Variants in SBF2 observed in about 807,000 individuals in gnomAD.
The protein encoded by SBF2 is myotubularin-related protein 13.
SBF2 carries 112 observed loss-of-function variants against 225.2 expected under a neutral mutation model. The ratio of observed to expected loss-of-function variants is 0.50; its 90% confidence interval spans 0.43 to 0.58. The LOEUF (loss-of-function observed/expected upper bound fraction) is 0.58, where lower values mean the gene tolerates loss of function less well. Among genes scored for constraint, SBF2 ranks in the 20% least tolerant of loss-of-function variants. The pLI is 0.00. For missense variants in SBF2, 1,996 were observed against 2,206.2 expected, an observed-to-expected ratio of 0.90 and a Z score of 1.91; for synonymous variants, 763 against 773.3, an observed-to-expected ratio of 0.99 and a Z score of 0.22.
intron 1 of SBF2, among the ~76,000 whole-genome samples, chr11:10,237,643 G>A (rs1211508011): frequency 3.3e-5 from 5 of 152,102 alleles, no homozygotes; most frequent in African/African-American, 9.7e-5. Context: ...TATTTAAAGC[G>A]TACAATTAAA....
At chr11:9,991,581 C>T (rs1020165046) in intron 12 of SBF2, among the ~76,000 whole-genome samples, 1 of 152,036 alleles carries the variant, frequency 6.6e-6, no homozygotes, top group Non-Finnish European at 1.5e-5. Flanking sequence ...AGTACTCTTT[C>T]AAAAATTGAA....
intron 3 of SBF2, among the ~76,000 whole-genome samples, chr11:10,036,501 A>G (rs560797286): frequency 1.4e-4 from 21 of 152,368 alleles, no homozygotes; most frequent in African/African-American, 4.8e-4. Context: ...TATGAACAAT[A>G]TTAAAATATA....
Position 10,254,900 on chromosome 11 carries a change from C to CAAAAAAAAAA in SBF2, c.55+39105_55+39114dup, listed in dbSNP as rs71034757. 1.1e-3 allele frequency among the ~76,000 whole-genome samples: 49 copies of CAAAAAAAAAA among 44,072 alleles called. 5 individuals carry two copies. Among genetic ancestry groups the CAAAAAAAAAA allele is most frequent in the African/African-American group, 2.0e-3 (21 of 10,554 alleles). 28.9% of individuals were successfully genotyped at this position (44,072 alleles called of 152,430 possible). A position where few individuals can be genotyped will look rare whatever the true frequency, so the allele number is the denominator to read the frequency against. On this transcript the variant is annotated intron_variant, in intron 1 of 39. Coordinates refer to ENST00000256190, the MANE Select transcript of SBF2 (RefSeq NM_030962.4). The stretch of plus-strand genomic sequence containing the variant: ...TGGGTGACAGAGTGAGACTCTGTCT[C>CAAAAAAAAAA]AAAAAAAAAAAAAAAAAAAAAAAAA...
At chr11:9,791,145 T>A (rs1342652572) in intron 33 of SBF2, 3 of 159,924 alleles carry the variant, frequency 1.9e-5, no homozygotes, top group Admixed American at 1.9e-4. Flanking sequence ...TAGCAGTGTA[T>A]ATATACTGCA....
chr11:10,188,849 C>T (rs1957049628), intron 2 of SBF2, among the ~76,000 whole-genome samples: 1 of 152,190 alleles, frequency 6.6e-6, no homozygotes, highest in Non-Finnish European at 1.5e-5. Context: ...CCATTTATAT[C>T]CACTTGCTTT....
At chr11:9,826,708 G>GAT (rs1378050681) in intron 28 of SBF2, among the ~76,000 whole-genome samples, 1 of 133,914 alleles carries the variant, frequency 7.5e-6, no homozygotes, top group Non-Finnish European at 1.6e-5. Context: ...CTTAGTGTGT[G>GAT]GTGTGTATAT....
At chr11:10,032,265 A>C (rs974816774) in intron 3 of SBF2, among the ~76,000 whole-genome samples, 1 of 152,150 alleles carries the variant, frequency 6.6e-6, no homozygotes, top group Non-Finnish European at 1.5e-5. Context: ...CCCTCTTTTT[A>C]ATAACCTATA....
At chr11:9,879,695 C>A (rs1196572664) in intron 17 of SBF2, among the ~76,000 whole-genome samples, 1 of 152,152 alleles carries the variant, frequency 6.6e-6, no homozygotes, top group Non-Finnish European at 1.5e-5. Context: ...ATGCCAGGCA[C>A]TAGGTTAGGT....
intron 6 of SBF2, among the ~76,000 whole-genome samples, chr11:10,025,633 T>C (rs933402845): frequency 1.3e-5 from 2 of 152,134 alleles, no homozygotes; most frequent in African/African-American, 4.8e-5. Flanking sequence ...AGGGTTTCAC[T>C]CTGTCGCCCA....
At chr11:10,209,307 T>TAC (rs1555078014) in intron 1 of SBF2, among the ~76,000 whole-genome samples, 3 of 85,868 alleles carry the variant, frequency 3.5e-5, no homozygotes, top group African/African-American at 1.7e-4. Context: ...CTCCACAAAT[T>TAC]TGTTTTTTTT....
intron 1 of SBF2, among the ~76,000 whole-genome samples, chr11:10,209,196 C>T (rs1047859284): frequency 3.3e-5 from 5 of 152,206 alleles, no homozygotes; most frequent in African/African-American, 1.2e-4. Flanking sequence ...CAACCTGTGC[C>T]TTCAAAATCA....
At chr11:10,094,052 C>T (rs1481428736) in intron 2 of SBF2, among the ~76,000 whole-genome samples, 6 of 152,166 alleles carry the variant, frequency 3.9e-5, no homozygotes, top group East Asian at 3.8e-4. Flanking sequence ...AACTTTTGGC[C>T]GGGTGCGGTG....
intron 2 of SBF2, among the ~76,000 whole-genome samples, chr11:10,067,712 T>C (rs542093325): frequency 5.9e-5 from 9 of 152,074 alleles, no homozygotes; most frequent in South Asian, 4.2e-4. Flanking sequence ...CTGGGCAACA[T>C]AGGGAGACCC....
At chr11:9,851,947 A>AT (rs1385967043) in intron 21 of SBF2, among the ~76,000 whole-genome samples, 6 of 151,948 alleles carry the variant, frequency 3.9e-5, no homozygotes, top group Non-Finnish European at 7.4e-5. Context: ...CTTTTACATT[A>AT]TTTTTTGTAG....
intron 19 of SBF2, among the ~76,000 whole-genome samples, chr11:9,855,732 G>C (rs1857269269): frequency 6.6e-6 from 1 of 152,210 alleles, no homozygotes; most frequent in African/African-American, 2.4e-5. Flanking sequence ...GTAGGAGAGG[G>C]AGAGGTATTA....
chr11:9,818,944 A>G (rs926935878), intron 28 of SBF2, among the ~76,000 whole-genome samples: 25 of 147,396 alleles, frequency 1.7e-4, no homozygotes, highest in South Asian at 1.3e-3. Flanking sequence ...CTGGTCTTGA[A>G]CTCCCGACCT....
chr11:10,231,262 T>G (rs1389872376), intron 1 of SBF2, among the ~76,000 whole-genome samples: 1 of 152,186 alleles, frequency 6.6e-6, no homozygotes, highest in Non-Finnish European at 1.5e-5. Context: ...TCGAACTTTC[T>G]CCTCTACCTC....
chr11:10,005,811 C>T (rs80110426), intron 6 of SBF2, among the ~76,000 whole-genome samples: 3,506 of 152,230 alleles, frequency 0.023, 66 homozygotes, highest in Non-Finnish European at 0.038. Context: ...TACACAGTTT[C>T]GTTTGCTCTT....
At chr11:10,181,890 T>C (rs1345940827) in intron 2 of SBF2, among the ~76,000 whole-genome samples, 1 of 152,176 alleles carries the variant, frequency 6.6e-6, no homozygotes, top group African/African-American at 2.4e-5. Flanking sequence ...AAAACTTTTC[T>C]TCAATAAATA....
Sources: allele counts gnomAD v4.1 joint callset (sites outside exome capture counted in the v4.1 genomes callset), GRCh38; gene constraint gnomAD v4.1.1; transcripts MANE v1.5; gene names NCBI Gene and HGNC (gene_info 2026-07-23, HGNC 2026-07-21).